Variants in DLEC1 observed in about 807,000 individuals in gnomAD.
The protein encoded by DLEC1 is deleted in lung and esophageal cancer protein 1.
In DLEC1, 146 loss-of-function variants were observed where a neutral mutation model predicts 198.1. The ratio of observed to expected loss-of-function variants is 0.74; its 90% CI spans 0.64 to 0.85. The LOEUF (loss-of-function observed/expected upper bound fraction) is 0.85, where lower values mean the gene tolerates loss of function less well. Among genes scored for constraint, DLEC1 ranks in the 40% least tolerant of loss-of-function variants. The pLI, the probability that DLEC1 is intolerant of heterozygous loss-of-function variation, is 0.00. For missense variants in DLEC1, 2,233 were observed against 2,220.0 expected, an observed-to-expected ratio of 1.01 and a Z score of -0.12; for synonymous variants, 897 against 866.8, an observed-to-expected ratio of 1.03 and a Z score of -0.61.
intron 6 of DLEC1, among the ~76,000 whole-genome samples, chr3:38,070,361 G>T (rs1007929967): frequency 2.0e-5 from 3 of 152,206 alleles, no homozygotes; most frequent in African/African-American, 7.2e-5. Flanking sequence ...AAACCTAACT[G>T]GTGCCTCTTT....
Position 38,097,231 on chromosome 3 carries a change from G to T in DLEC1, c.2390G>T (p.Ser797Ile). The part of the protein sequence containing the change: ...SPIRYLWGKI[S>I]DCHIIEVEPG... ...ATCAGATACCTGTGGGGGAAGATCA[G>T]CGACTGCCACATCATTGAAGTGGAG... The change falls in exon 16 of 37, where the codon AGC (serine) becomes ATC (isoleucine). Residue 797 changes from serine to isoleucine, a missense_variant. Ser to Ile is a moderately radical substitution (Grantham distance 142). Transcript: ENST00000308059. 2.5e-6 allele frequency: 4 copies of T among 1,587,966 alleles called. No homozygotes were observed. The highest frequency in any genetic ancestry group is 2.6e-6 in the Non-Finnish European group (3 of 1,165,918).
rs752075879 is a variant in DLEC1, at chr3:38,100,426, G to A, written c.2864+1G>A. 38 of 1,610,470 alleles carry A rather than the reference G, an allele frequency of 2.4e-5. No individual in the cohort carries two copies. The highest frequency in any genetic ancestry group is 3.1e-5 in the Non-Finnish European group (36 of 1,178,670). ...TGGAGGTGGAAAATGGTGCCTGGAG[G>A]TAAGGGTGCCGTGGGAAGAGCCACT... On this transcript the variant is annotated splice_donor_variant, in intron 19 of 36. Coordinates refer to ENST00000308059, the MANE Select transcript of DLEC1 (RefSeq NM_007335.4). LOFTEE classifies it high-confidence loss of function.
At chr3:38,087,654 G>A (rs1559434594) in intron 9 of DLEC1, among the ~76,000 whole-genome samples, 1 of 152,182 alleles carries the variant, frequency 6.6e-6, no homozygotes, top group Non-Finnish European at 1.5e-5. Flanking sequence ...TTTTCTCATA[G>A]CAAAGATATT....
intron 6 of DLEC1, among the ~76,000 whole-genome samples, chr3:38,081,524 C>T (rs1697993552): frequency 1.0e-5 from 1 of 98,074 alleles, no homozygotes. Context: ...GGCGGCCGGG[C>T]AGAGGCGCCC....
rs780863178 is a variant in DLEC1 at position 38,045,688 on chromosome 3, C to T, written c.557C>T (p.Pro186Leu). The change falls in exon 2 of 37, where the codon CCT becomes CTT. Residue 186 changes from proline (P) to leucine (L), a missense_variant. Transcript: ENST00000308059. ...GACCTCGAGAGCCTTGTCAGGTTGC[C>T]TCCAGGTGTGTATAAAGAACTCCCA... ...VQDLESLVRL[P>L]PVKSVSRWCI... is the part of the protein sequence containing the mutation. 1.9e-6 allele frequency: 3 copies of T among 1,610,798 alleles called. No homozygotes were observed. The highest frequency in any genetic ancestry group is 1.7e-6 in the Non-Finnish European group (2 of 1,178,816).
intron 6 of DLEC1, among the ~76,000 whole-genome samples, chr3:38,064,584 G>A (rs868259881): frequency 2.6e-4 from 40 of 151,722 alleles, no homozygotes; most frequent in African/African-American, 6.3e-4. Flanking sequence ...CGGACGGGGC[G>A]GCCGGGCAGA....
intron 31 of DLEC1, 45 bp downstream of exon 31, chr3:38,117,347 G>A (rs760866332): frequency 1.9e-6 from 3 of 1,608,188 alleles, no homozygotes; most frequent in Non-Finnish European, 2.6e-6. Context: ...CCCATGGGGT[G>A]CACCCTCACC....
intron 23 of DLEC1, 88 bp from the exon 24 acceptor site, chr3:38,111,589 G>C (rs576780539): frequency 1.0e-4 from 149 of 1,430,460 alleles, no homozygotes; most frequent in Middle Eastern, 3.7e-4. Flanking sequence ...TGGGCACCTG[G>C]TAGAATGCTG....
chr3:38,040,509 C>T (rs1700603671), intron 1 of DLEC1, among the ~76,000 whole-genome samples: 1 of 152,150 alleles, frequency 6.6e-6, no homozygotes, highest in African/African-American at 2.4e-5. Flanking sequence ...ACTTACAGGA[C>T]CAGTCTCGCC....
chr3:38,080,000 T>C (rs7626559), intron 6 of DLEC1, among the ~76,000 whole-genome samples: 64,326 of 152,014 alleles, frequency 0.42, 14,240 homozygotes, highest in East Asian at 0.58. Flanking sequence ...GAGAATAAGA[T>C]AGCCCTTTGA....
intron 6 of DLEC1, among the ~76,000 whole-genome samples, chr3:38,076,415 T>C (rs1697622667): frequency 6.6e-6 from 1 of 151,980 alleles, no homozygotes; most frequent in African/African-American, 2.4e-5. Context: ...GGGGTGGGGC[T>C]GTTTTATAAG....
intron 19 of DLEC1, among the ~76,000 whole-genome samples, chr3:38,101,138 C>G (rs1250468650): frequency 3.3e-5 from 5 of 152,200 alleles, no homozygotes; most frequent in Non-Finnish European, 7.3e-5. Context: ...TCTCCCCACT[C>G]CTTCCCAAAT....
chr3:38,075,339 A>C (rs1437161706), intron 6 of DLEC1, among the ~76,000 whole-genome samples: 1 of 152,182 alleles, frequency 6.6e-6, no homozygotes, highest in Non-Finnish European at 1.5e-5. Flanking sequence ...GGAGAAATTG[A>C]AAGTGCCATT....
At chr3:38,071,665 C>G (rs1697325047) in intron 6 of DLEC1, among the ~76,000 whole-genome samples, 1 of 152,146 alleles carries the variant, frequency 6.6e-6, no homozygotes, top group African/African-American at 2.4e-5. Context: ...TTGCTTAGAG[C>G]AATGGGATCT....
chr3:38,122,241 C>T (rs1249204512), intron 36 of DLEC1, 47 bp downstream of exon 36: 6 of 1,608,820 alleles, frequency 3.7e-6, no homozygotes, highest in Admixed American at 1.7e-5. Flanking sequence ...GAGCCTGGAC[C>T]CCCTGCCCAG....
chr3:38,065,299 C>G (rs576748977), intron 6 of DLEC1, among the ~76,000 whole-genome samples: 2 of 152,150 alleles, frequency 1.3e-5, no homozygotes, highest in African/African-American at 4.8e-5. Context: ...TACAGTCCAG[C>G]CTCCGCTCGG....
Position 38,100,431 on chromosome 3 carries a change from G to A in DLEC1, c.2864+6G>A, listed in dbSNP as rs755413098. ...GTGGAAAATGGTGCCTGGAGGTAAG[G>A]GTGCCGTGGGAAGAGCCACTACAAC... is the stretch of plus-strand genomic sequence containing the variant. On this transcript the variant is annotated splice_donor_region_variant and intron_variant, in intron 19 of 36. Coordinates refer to ENST00000308059, the MANE Select transcript of DLEC1 (RefSeq NM_007335.4). 1.9e-6 allele frequency: 3 copies of A among 1,608,600 alleles called. No individual in the cohort carries two copies. The highest frequency in any genetic ancestry group is 1.3e-5 in the African/African-American group (1 of 74,656).
At position 38,123,417 on chromosome 3, in the gene DLEC1, A is replaced by G. The variant is rs1700586870; in HGVS notation, c.*1005A>G. The G allele has an allele frequency of 6.4e-5, 21 of 327,060 alleles. 2 individuals carry two copies. In the South Asian group the frequency reaches 1.3e-3, roughly 20 times the overall value. 20.3% of individuals were successfully genotyped at this position (327,060 alleles called of 1,614,324 possible). Reference sequence around the variant, plus strand: ...CTCCCCAGGGATCGATCATAATCCCAAAAGACACAATCCCAAACACAATCA... The same window carrying G: ...CTCCCCAGGGATCGATCATAATCCCGAAAGACACAATCCCAAACACAATCA... On this transcript the variant is annotated 3_prime_UTR_variant, in exon 37 of 37. Transcript: ENST00000308059.
intron 19 of DLEC1, among the ~76,000 whole-genome samples, chr3:38,104,509 G>GT (rs1451751540): frequency 1.3e-5 from 2 of 151,814 alleles, no homozygotes; most frequent in Non-Finnish European, 2.9e-5. Context: ...AGTTTTGGTA[G>GT]TTTGCATCAC....
Sources: allele counts gnomAD v4.1 joint callset (sites outside exome capture counted in the v4.1 genomes callset), GRCh38; gene constraint gnomAD v4.1.1; transcripts MANE v1.5; gene names NCBI Gene and HGNC (gene_info 2026-07-23, HGNC 2026-07-21).